NEURL1: variants seen among roughly 807,000 people sequenced by gnomAD.
NEURL1 encodes the protein neuralized E3 ubiquitin protein ligase 1, also known as E3 ubiquitin-protein ligase NEURL1.
A neutral mutation model predicts 41.2 loss-of-function variants in NEURL1; 26 were observed. The ratio of observed to expected loss-of-function variants is 0.63; its 90% confidence interval spans 0.46 to 0.87. NEURL1 has a LOEUF of 0.87. NEURL1 is among the 40% of genes least tolerant of loss of function. NEURL1 has a pLI of 0.00. For missense variants in NEURL1, 761 were observed against 871.1 expected (o/e 0.87, Z 1.59); for synonymous variants, 400 against 402.3 (o/e 0.99, Z 0.07).
rs992479371 is a variant in NEURL1 at position 103,493,970 on chromosome 10, C to A, written c.-418C>A. On this transcript the variant is annotated 5_prime_UTR_variant, in exon 1 of 6. Coordinates refer to ENST00000369780, the MANE Select transcript of NEURL1 (RefSeq NM_004210.5). ...CGCGGGGCGGTAACCGAGCCTGCCTCGGAGCCGCCGAACGCCCACGCCAGC... is the reference window on the plus strand; with the variant it reads ...CGCGGGGCGGTAACCGAGCCTGCCTAGGAGCCGCCGAACGCCCACGCCAGC... 1 of 156,968 alleles carries A rather than the reference C, an allele frequency of 6.4e-6. No individual in the cohort carries two copies. The highest frequency in any genetic ancestry group is 1.4e-5 in the Non-Finnish European group (1 of 71,732). 9.7% of individuals were successfully genotyped at this position (156,968 alleles called of 1,614,324 possible).
chr10:103,565,693 A>G (rs1023712190), intron 1 of NEURL1, among the ~76,000 whole-genome samples: 4 of 152,152 alleles, frequency 2.6e-5, no homozygotes, highest in Non-Finnish European at 5.9e-5. Context: ...GTCTTGCTCT[A>G]TTGCCCAGGA....
At chr10:103,519,605 A>G (rs1279985787) in intron 1 of NEURL1, among the ~76,000 whole-genome samples, 1 of 152,174 alleles carries the variant, frequency 6.6e-6, no homozygotes, top group African/African-American at 2.4e-5. Context: ...GGTCGGGTCT[A>G]GTTCCCTCCA....
intron 1 of NEURL1, among the ~76,000 whole-genome samples, chr10:103,561,862 A>C (rs903159422): frequency 2.6e-5 from 4 of 152,226 alleles, no homozygotes; most frequent in Non-Finnish European, 5.9e-5. Flanking sequence ...TTGAGCAGGC[A>C]GGGCTGTAGT....
At position 103,494,481 on chromosome 10, in the gene NEURL1, C is replaced by A. The variant is rs749881502; in HGVS notation, c.85+9C>A. The A allele has an allele frequency of 1.9e-6, 3 of 1,550,052 alleles. No homozygotes were observed. Among genetic ancestry groups the A allele is most frequent in the Non-Finnish European group, 2.6e-6 (3 of 1,147,900 alleles). On this transcript the variant is annotated intron_variant, in intron 1 of 5. Coordinates refer to ENST00000369780, the MANE Select transcript of NEURL1 (RefSeq NM_004210.5). ...CCCCCAGAACCTCAAAGGTAGGCTC[C>A]CCGGCCGAGCGCTGCTGGAGGACTG...
intron 1 of NEURL1, among the ~76,000 whole-genome samples, chr10:103,554,979 T>C (rs1249684014): frequency 1.3e-5 from 2 of 152,134 alleles, no homozygotes; most frequent in Non-Finnish European, 2.9e-5. Flanking sequence ...GATGGGGATG[T>C]GTGTGCGTGT....
At chr10:103,536,447 G>C (rs963227486) in intron 1 of NEURL1, among the ~76,000 whole-genome samples, 2 of 152,172 alleles carry the variant, frequency 1.3e-5, no homozygotes, top group African/African-American at 4.8e-5. Flanking sequence ...GGGAGGCTGA[G>C]GCAGGAGAAT....
chr10:103,555,490 G>T, intron 1 of NEURL1: 1 of 1,231,450 alleles, frequency 8.1e-7, no homozygotes, highest in African/African-American at 1.5e-5. Flanking sequence ...GAGGGGCGCT[G>T]GGGCTGAGGG....
intron 4 of NEURL1, 74 bp from the exon 5 acceptor site, chr10:103,589,440 G>A: frequency 2.7e-6 from 4 of 1,500,598 alleles, no homozygotes; most frequent in Middle Eastern, 1.8e-4. Context: ...GGAACCCACT[G>A]TGAGGGACAG....
chr10:103,520,020 G>A (rs1470344310), intron 1 of NEURL1, among the ~76,000 whole-genome samples: 1 of 152,096 alleles, frequency 6.6e-6, no homozygotes, highest in African/African-American at 2.4e-5. Context: ...CTAGCCTCAA[G>A]CAATCCTCCT....
intron 1 of NEURL1, among the ~76,000 whole-genome samples, chr10:103,567,125 A>T (rs761135310): frequency 6.6e-6 from 1 of 151,750 alleles, no homozygotes; most frequent in South Asian, 2.1e-4. Flanking sequence ...CTGGGATTAC[A>T]GGTATGTGCC....
intron 1 of NEURL1, among the ~76,000 whole-genome samples, chr10:103,532,646 A>G (rs754797407): frequency 6.6e-6 from 1 of 151,956 alleles, no homozygotes; most frequent in African/African-American, 2.4e-5. Flanking sequence ...TCTAATAGAT[A>G]TTCCTTTATA....
At chr10:103,575,788 G>A (rs180912702) in intron 3 of NEURL1, among the ~76,000 whole-genome samples, 18 of 152,330 alleles carry the variant, frequency 1.2e-4, no homozygotes, top group Middle Eastern at 3.4e-3. Context: ...GGCTGGTATC[G>A]TCAAGAATAA....
chr10:103,507,942 G>A (rs564297630), intron 1 of NEURL1, among the ~76,000 whole-genome samples: 5 of 152,276 alleles, frequency 3.3e-5, no homozygotes, highest in African/African-American at 9.6e-5. Flanking sequence ...TAAATCAGCC[G>A]GGACAGGCCA....
chr10:103,526,564 T>C (rs1282924720), intron 1 of NEURL1, among the ~76,000 whole-genome samples: 7 of 152,140 alleles, frequency 4.6e-5, no homozygotes, highest in African/African-American at 1.7e-4. Flanking sequence ...CAGGCTGGAG[T>C]GCAGTGGCAC....
At chr10:103,588,675 A>G in intron 4 of NEURL1, 1 of 418,624 alleles carries the variant, frequency 2.4e-6, no homozygotes, top group Non-Finnish European at 4.8e-6. Flanking sequence ...GGCCGGGCGC[A>G]GCGGCTCACC....
intron 1 of NEURL1, among the ~76,000 whole-genome samples, chr10:103,518,078 A>AT (rs1391562429): frequency 6.6e-6 from 1 of 152,148 alleles, no homozygotes; most frequent in Non-Finnish European, 1.5e-5. Flanking sequence ...GGGAAAGCTT[A>AT]TTGCCAAGAG....
chr10:103,519,516 G>A (rs1187487466), intron 1 of NEURL1, among the ~76,000 whole-genome samples: 1 of 152,200 alleles, frequency 6.6e-6, no homozygotes, highest in African/African-American at 2.4e-5. Flanking sequence ...TAACCACAGT[G>A]GAGTCCTGGG....
intron 1 of NEURL1, among the ~76,000 whole-genome samples, chr10:103,506,482 CTTGTCCAA>C (rs2033947761): frequency 6.6e-6 from 1 of 152,052 alleles, no homozygotes; most frequent in South Asian, 2.1e-4. Context: ...AGGGCCCTGC[CTTGTCCAA>C]TTCAGTCGGT....
intron 1 of NEURL1, among the ~76,000 whole-genome samples, chr10:103,499,890 C>T (rs2033783064): frequency 6.6e-6 from 1 of 152,182 alleles, no homozygotes; most frequent in Non-Finnish European, 1.5e-5. Context: ...CGGAGTGATT[C>T]TCCCAAAGTA....
Sources: allele counts gnomAD v4.1 joint callset (sites outside exome capture counted in the v4.1 genomes callset), GRCh38; gene constraint gnomAD v4.1.1; transcripts MANE v1.5; gene names NCBI Gene and HGNC (gene_info 2026-07-23, HGNC 2026-07-21).